Variants in HORMAD2 observed in about 807,000 individuals in gnomAD.
The protein encoded by HORMAD2 is HORMA domain-containing protein 2.
Under a neutral mutation model 38.8 loss-of-function variants are expected in HORMAD2, and 45 were observed. That is an observed-to-expected ratio of 1.16 (90% CI 0.91 to 1.49). The LOEUF is 1.49. Ranked by LOEUF, HORMAD2 falls within the 40% of genes most tolerant of loss-of-function variation. HORMAD2 has a pLI of 0.00. For synonymous variants in HORMAD2, 126 were observed against 122.8 expected (o/e 1.03, Z -0.17); for missense variants, 338 against 367.0 (o/e 0.92, Z 0.65).
rs1167990121 is a variant in HORMAD2, at chr22:30,125,216, C to CTTTTTTT, written c.819+3022_819+3028dup. Among the ~76,000 whole-genome samples the CTTTTTTT allele has an allele frequency of 2.3e-3, 99 of 43,484 alleles. 11 individuals are homozygous for CTTTTTTT. Among genetic ancestry groups the CTTTTTTT allele is most frequent in the South Asian group, 3.1e-3 (2 of 638 alleles). The allele number at this position is 43,484 out of a possible 152,430, so 28.5% of individuals were successfully genotyped here. On this transcript the variant is annotated intron_variant, in intron 10 of 10. Transcript: ENST00000336726. ...CATCTTTTCACTTTCTTTTTCTTTT[C>CTTTTTTT]TTTTTTTTTTTTTTTTTTTTTTTTT... is the stretch of plus-strand genomic sequence containing the variant.
the HORMAD2 span, among the ~76,000 whole-genome samples, chr22:30,187,791 G>A: frequency 5.5e-3 from 842 of 152,090 alleles, 8 homozygotes; most frequent in African/African-American, 0.019. Context: ...CCTGAAAAAA[G>A]TGTTTCAGCC....
At chr22:30,102,530 C>A (rs1471722803) in intron 3 of HORMAD2, among the ~76,000 whole-genome samples, 1 of 152,162 alleles carries the variant, frequency 6.6e-6, no homozygotes, top group East Asian at 1.9e-4. Context: ...CAGGTAACAT[C>A]AATTTTAGTA....
chr22:30,119,580 T>C (rs1015848271), intron 8 of HORMAD2, among the ~76,000 whole-genome samples: 4 of 152,186 alleles, frequency 2.6e-5, no homozygotes, highest in Non-Finnish European at 5.9e-5. Context: ...ATGGGTTAAA[T>C]AGCAAACACA....
At chr22:30,178,811 G>T (rs1488213859), downstream of HORMAD2, among the ~76,000 whole-genome samples, 1 of 152,186 alleles carries the variant, frequency 6.6e-6, no homozygotes, top group Non-Finnish European at 1.5e-5. Flanking sequence ...AAAAAGTTAT[G>T]TAGGGGAAAT....
At chr22:30,130,799 C>T (rs1285641063) in intron 10 of HORMAD2, among the ~76,000 whole-genome samples, 9 of 151,840 alleles carry the variant, frequency 5.9e-5, no homozygotes. Context: ...CCATGTTGCC[C>T]AGGCTGGTCT....
chr22:30,078,607 C>CAAAAAAAAAAAAAAAAAA (rs55966787), upstream of HORMAD2, among the ~76,000 whole-genome samples: 11 of 28,104 alleles, frequency 3.9e-4, 1 homozygote, highest in African/African-American at 5.9e-4. Flanking sequence ...CTCTGTCTCA[C>CAAAAAAAAAAAAAAAAAA]AAAAAAAAAA....
intron 10 of HORMAD2, among the ~76,000 whole-genome samples, chr22:30,154,108 C>G (rs891319708): frequency 3.3e-5 from 5 of 152,186 alleles, no homozygotes; most frequent in Non-Finnish European, 5.9e-5. Flanking sequence ...CCCCTTACTT[C>G]CTCGTCTCTA....
chr22:30,113,087 A>G lies in HORMAD2; in HGVS notation c.342+565A>G, dbSNP rs1031943251. Among the ~76,000 whole-genome samples the G allele has an allele frequency of 3.3e-5, 5 of 152,208 alleles. No individual in the cohort carries two copies. The East Asian group carries it at 5.8e-4, about 18-fold the overall frequency. ...GGAATCCGACTCATCTTCAAGGCCAACTATGTTCATATCTTATATGTAAAC... is the reference window on the plus strand; with the variant it reads ...GGAATCCGACTCATCTTCAAGGCCAGCTATGTTCATATCTTATATGTAAAC... On this transcript the variant is annotated intron_variant, in intron 7 of 10. Coordinates refer to ENST00000336726, the MANE Select transcript of HORMAD2 (RefSeq NM_152510.4).
intron 7 of HORMAD2, among the ~76,000 whole-genome samples, chr22:30,116,491 G>A (rs909232839): frequency 6.6e-6 from 1 of 152,110 alleles, no homozygotes; most frequent in African/African-American, 2.4e-5. Context: ...GAGAAGGAGA[G>A]GCTGCATATG....
chr22:30,131,818 A>T (rs1655751365), intron 10 of HORMAD2, among the ~76,000 whole-genome samples: 2 of 152,170 alleles, frequency 1.3e-5, no homozygotes, highest in Non-Finnish European at 2.9e-5. Flanking sequence ...TATGAATTCC[A>T]CAAAAGAATC....
downstream of HORMAD2, among the ~76,000 whole-genome samples, chr22:30,180,967 C>G (rs1005968481): frequency 1.5e-5 from 2 of 129,096 alleles, no homozygotes. Context: ...CTCTCCTCTC[C>G]TCTCCTCTCC....
At chr22:30,155,994 C>A (rs1174012293) in intron 10 of HORMAD2, among the ~76,000 whole-genome samples, 3 of 152,042 alleles carry the variant, frequency 2.0e-5, no homozygotes, top group African/African-American at 7.2e-5. Flanking sequence ...GGGCCTTTTC[C>A]CCATGTAGAT....
At chr22:30,124,469 G>A (rs188382171) in intron 10 of HORMAD2, among the ~76,000 whole-genome samples, 1 of 152,114 alleles carries the variant, frequency 6.6e-6, no homozygotes, top group Non-Finnish European at 1.5e-5. Flanking sequence ...AAGCCACCAC[G>A]TGTCCCTTCC....
intron 10 of HORMAD2, among the ~76,000 whole-genome samples, chr22:30,125,354 G>A (rs1283237599): frequency 2.0e-5 from 3 of 149,394 alleles, no homozygotes; most frequent in Non-Finnish European, 4.4e-5. Flanking sequence ...TCAGCCTCCT[G>A]AGTAGCTGGG....
At chr22:30,162,351 GAT>G (rs1925498365) in intron 10 of HORMAD2, among the ~76,000 whole-genome samples, 2 of 140,914 alleles carry the variant, frequency 1.4e-5, no homozygotes, top group South Asian at 4.9e-4. Context: ...ACACACACAC[GAT>G]ATGTTGTTTA....
intron 1 of HORMAD2, among the ~76,000 whole-genome samples, chr22:30,081,655 A>G (rs2068477894): frequency 6.6e-6 from 1 of 151,928 alleles, no homozygotes; most frequent in Non-Finnish European, 1.5e-5. Flanking sequence ...AGCTCACTGC[A>G]ACCTCCACCT....
At chr22:30,097,115 C>A (rs2068796534) in intron 2 of HORMAD2, among the ~76,000 whole-genome samples, 1 of 152,138 alleles carries the variant, frequency 6.6e-6, no homozygotes, top group Admixed American at 6.5e-5. Flanking sequence ...CAGCAAAAAG[C>A]AGCCTCACAG....
chr22:30,132,069 T>C (rs949015305), intron 10 of HORMAD2, among the ~76,000 whole-genome samples: 1 of 152,206 alleles, frequency 6.6e-6, no homozygotes, highest in Non-Finnish European at 1.5e-5. Context: ...GCCTTTTCAT[T>C]CAAAACCTAT....
chr22:30,127,509 A>C lies in HORMAD2; in HGVS notation c.819+5295A>C, dbSNP rs1354743425. ...GGTGTGAACCACCACGCCCAGCCTA[A>C]TTTTTGTATTTGTTTTAGAGATAGG... On this transcript the variant is annotated intron_variant, in intron 10 of 10. Transcript: ENST00000336726. Among the ~76,000 whole-genome samples, 5 of 151,986 alleles carry C rather than the reference A, an allele frequency of 3.3e-5. No individual in the cohort carries two copies. The East Asian group carries it at 5.8e-4, about 18-fold the overall frequency.
Sources: gnomAD v4.1 joint callset for allele counts (sites outside exome capture counted in the v4.1 genomes callset) on GRCh38, gnomAD v4.1.1 for gene constraint, MANE v1.5 for transcripts, NCBI Gene and HGNC (gene_info 2026-07-23, HGNC 2026-07-21) for gene names.